The following PTPN2 variants were observed in gnomAD, a reference collection of about 807,000 sequenced individuals.
PTPN2 encodes the protein tyrosine-protein phosphatase non-receptor type 2.
A neutral mutation model predicts 57.3 loss-of-function variants in PTPN2; 19 were observed. That is an observed-to-expected ratio of 0.33 (90% CI 0.23 to 0.49). The LOEUF is 0.49. Among genes scored for constraint, PTPN2 ranks in the 20% least tolerant of loss-of-function variants. The pLI is 0.99. For missense variants in PTPN2, 358 were observed against 501.1 expected, an observed-to-expected ratio of 0.71 and a Z score of 2.73; for synonymous variants, 153 against 164.9, an observed-to-expected ratio of 0.93 and a Z score of 0.55.
chr18:12,793,794 T>G lies in PTPN2; in HGVS notation c.*484A>C. The G allele has an allele frequency of 1.1e-6, 1 of 939,452 alleles. No homozygotes were observed. The highest frequency in any genetic ancestry group is 5.5e-4 in the Middle Eastern group (1 of 1,814). The allele number at this position is 939,452 out of a possible 1,614,324, so 58.2% of individuals were successfully genotyped here. A position where few individuals can be genotyped will look rare whatever the true frequency, so the allele number is the denominator to read the frequency against. On this transcript the variant is annotated 3_prime_UTR_variant, in exon 9 of 9. Transcript: ENST00000309660. ...AGATACTTATAAAATATATTTACCCTGAAATGCTTAAGAATAAAAGTGTTG... is the reference window on the plus strand; with the variant it reads ...AGATACTTATAAAATATATTTACCCGGAAATGCTTAAGAATAAAAGTGTTG...
At chr18:12,819,190 A>G (rs1229794744) in intron 5 of PTPN2, 1 of 1,156,058 alleles carries the variant, frequency 8.7e-7, no homozygotes, top group South Asian at 1.5e-5. Flanking sequence ...ATACAGTGAA[A>G]TAAATTTTCT....
At chr18:12,868,331 G>A (rs1366004903) in intron 1 of PTPN2, among the ~76,000 whole-genome samples, 2 of 152,022 alleles carry the variant, frequency 1.3e-5, no homozygotes, top group Non-Finnish European at 2.9e-5. Flanking sequence ...TCAGCTCACT[G>A]TAACCTCCGC....
chr18:12,843,040 C>T (rs916406389), intron 2 of PTPN2, among the ~76,000 whole-genome samples: 4 of 152,152 alleles, frequency 2.6e-5, no homozygotes, highest in Non-Finnish European at 5.9e-5. Flanking sequence ...GTACAGGTAC[C>T]TGGAATTTTG....
intron 2 of PTPN2, among the ~76,000 whole-genome samples, chr18:12,852,191 A>AACACACACACACACACACACACACACAC (rs139964591): frequency 1.6e-4 from 23 of 140,410 alleles, no homozygotes; most frequent in Non-Finnish European, 2.9e-4. Flanking sequence ...ATGGGTTTTT[A>AACACACACACACACACACACACACACAC]ACACACACAC....
At chr18:12,788,280 C>T (rs1165798911), downstream of PTPN2, 2 of 152,274 alleles carry the variant, frequency 1.3e-5, no homozygotes, top group Admixed American at 6.6e-5. Flanking sequence ...TAACGTAAAA[C>T]CAGAAAGTCG....
intron 2 of PTPN2, among the ~76,000 whole-genome samples, chr18:12,857,524 A>G (rs1180654289): frequency 6.6e-6 from 1 of 152,248 alleles, no homozygotes; most frequent in East Asian, 1.9e-4. Context: ...CAAAATCAAA[A>G]GTTTTTAAAA....
chr18:12,870,275 A>ATATATATACATATACATATATATGTG lies in PTPN2; in HGVS notation c.70-11047_70-11022dup, dbSNP rs1191522435. 4.1e-3 allele frequency among the ~76,000 whole-genome samples: 294 copies of ATATATATACATATACATATATATGTG among 70,934 alleles called. 17 individuals carry two copies. The highest frequency in any genetic ancestry group is 6.5e-3 in the South Asian group (11 of 1,700). The allele number at this position is 70,934 out of a possible 152,430, so 46.5% of individuals were successfully genotyped here. A position where few individuals can be genotyped will look rare whatever the true frequency, so the allele number is the denominator to read the frequency against. On this transcript the variant is annotated intron_variant, in intron 1 of 8. Transcript: ENST00000309660. Reference sequence around the variant, plus strand: ...AACTTTAGCATATATATATATATGTATATATATACATATACATATATATGT... The same window carrying ATATATATACATATACATATATATGTG: ...AACTTTAGCATATATATATATATGTATATATATACATATACATATATATGTGTATATATACATATACATATATATGT...
intron 3 of PTPN2, among the ~76,000 whole-genome samples, chr18:12,832,298 G>A (rs2042697530): frequency 2.0e-5 from 3 of 152,012 alleles, no homozygotes; most frequent in African/African-American, 7.3e-5. Context: ...TGGATTTTTA[G>A]TAGAGACAGG....
rs763426003 is a variant in PTPN2, at chr18:12,836,812, T to C, written c.240A>G (p.Gln80=). 6.2e-7 allele frequency: 1 copy of C among 1,607,064 alleles called. No individual in the cohort carries two copies. The highest frequency in any genetic ancestry group is 8.5e-7 in the Non-Finnish European group (1 of 1,175,632). ...TTGCCTGTGTTAAGATGTAACTCCTTTGTGCCTCTTCTATGTCAACTAAAC... is the reference window on the plus strand; with the variant it reads ...TTGCCTGTGTTAAGATGTAACTCCTCTGTGCCTCTTCTATGTCAACTAAAC... ...NASLVDIEEA[Q]RSYILTQGPL... is the part of the protein sequence containing the mutation. The change falls in exon 3 of 9, where the codon CAA becomes CAG. Residue 80 remains glutamine (Q), a synonymous_variant. Transcript: ENST00000309660.
intron 2 of PTPN2, among the ~76,000 whole-genome samples, chr18:12,841,459 C>G (rs1248890699): frequency 6.6e-6 from 1 of 152,200 alleles, no homozygotes; most frequent in East Asian, 1.9e-4. Flanking sequence ...ACTTCATACA[C>G]CAATACACTG....
chr18:12,832,210 A>C lies in PTPN2; in HGVS notation c.262-1169T>G, dbSNP rs2042693325. Among the ~76,000 whole-genome samples, 3 of 152,100 alleles carry C rather than the reference A, an allele frequency of 2.0e-5. No individual in the cohort carries two copies. In the South Asian group the frequency reaches 6.2e-4, roughly 32 times the overall value. On this transcript the variant is annotated intron_variant, in intron 3 of 8. Transcript: ENST00000309660. ...CAGCTCACTGCAACCTCCACTTCCC[A>C]GGTTCAAGAGATTCTCCTGCCTAAG...
At chr18:12,828,108 G>C (rs2042542496) in intron 4 of PTPN2, among the ~76,000 whole-genome samples, 1 of 152,030 alleles carries the variant, frequency 6.6e-6, no homozygotes, top group African/African-American at 2.4e-5. Flanking sequence ...AATACCAGAA[G>C]GAAATGGAAA....
At chr18:12,809,486 C>T (rs538825022) in intron 7 of PTPN2, among the ~76,000 whole-genome samples, 5 of 152,188 alleles carry the variant, frequency 3.3e-5, no homozygotes, top group Non-Finnish European at 7.3e-5. Flanking sequence ...TGATCCCCAT[C>T]TATGTATCTG....
Position 12,884,105 on chromosome 18 carries a change from C to A in PTPN2, c.37G>T (p.Asp13Tyr). 1 of 1,588,404 alleles carries A rather than the reference C, an allele frequency of 6.3e-7. No homozygotes were observed. Among genetic ancestry groups the A allele is most frequent in the Admixed American group, 1.8e-5 (1 of 56,968 alleles). ...AGCGGCTGCCAGCGACGCTGAGTAT[C>A]CAACTCTTCGAACTCCCGCTCGATG... ...TTIEREFEELDTQRRWQPLYL... is the reference protein window; with the variant it reads ...TTIEREFEELYTQRRWQPLYL... The change falls in exon 1 of 9, where the codon GAT becomes TAT. Residue 13 changes from aspartate (D) to tyrosine (Y), a missense_variant. Coordinates refer to ENST00000309660, the MANE Select transcript of PTPN2 (RefSeq NM_002828.4).
intron 2 of PTPN2, among the ~76,000 whole-genome samples, chr18:12,853,012 C>T (rs983648392): frequency 6.6e-6 from 1 of 152,220 alleles, no homozygotes; most frequent in Non-Finnish European, 1.5e-5. Context: ...CTTACAATAT[C>T]TGTAACATGC....
chr18:12,879,843 G>A (rs1167159049), intron 1 of PTPN2, among the ~76,000 whole-genome samples: 1 of 152,114 alleles, frequency 6.6e-6, no homozygotes, highest in Non-Finnish European at 1.5e-5. Context: ...CCAGCTCCAT[G>A]AGCATTACCA....
intron 5 of PTPN2, among the ~76,000 whole-genome samples, chr18:12,823,888 AAC>A (rs2042356053): frequency 6.6e-6 from 1 of 152,210 alleles, no homozygotes; most frequent in African/African-American, 2.4e-5. Context: ...TGATAAACAA[AAC>A]ACAAAAATCA....
chr18:12,814,944 T>C (rs11664199), intron 6 of PTPN2, among the ~76,000 whole-genome samples: 1 of 151,464 alleles, frequency 6.6e-6, no homozygotes, highest in African/African-American at 2.4e-5. Flanking sequence ...ATTAGCTGGG[T>C]GTGGCGGCGC....
At position 12,814,182 on chromosome 18, in the gene PTPN2, TA is replaced by T; in HGVS notation, c.858+20del. 1 of 1,521,984 alleles carries T rather than the reference TA, an allele frequency of 6.6e-7. No individual in the cohort carries two copies. Among genetic ancestry groups the T allele is most frequent in the Non-Finnish European group, 9.0e-7 (1 of 1,109,688 alleles). 94.3% of individuals were successfully genotyped at this position (1,521,984 alleles called of 1,614,324 possible). The stretch of plus-strand genomic sequence containing the variant: ...GTGTATTTAACAAATAGATATGATT[TA>T]AAACCTGTATGAAGTTTACCTGTAT... On this transcript the variant is annotated intron_variant, in intron 7 of 8. Coordinates refer to ENST00000309660, the MANE Select transcript of PTPN2 (RefSeq NM_002828.4).
Sources: allele counts gnomAD v4.1 joint callset (sites outside exome capture counted in the v4.1 genomes callset), GRCh38; gene constraint gnomAD v4.1.1; transcripts MANE v1.5; gene names NCBI Gene and HGNC (gene_info 2026-07-23, HGNC 2026-07-21).